Variants in CCSER1 observed in about 807,000 individuals in gnomAD.
The protein encoded by CCSER1 is serine-rich coiled-coil domain-containing protein 1.
CCSER1 carries 41 observed loss-of-function variants against 82.0 expected under a neutral mutation model. The observed-to-expected ratio is 0.50, with a 90% confidence interval of 0.39 to 0.65. The LOEUF is 0.65. CCSER1 is among the 30% of genes least tolerant of loss of function. The probability of loss-of-function intolerance (pLI) is 0.00; values close to 1 mark genes in which losing one functional copy is unlikely to be tolerated. For missense variants in CCSER1, 1,119 were observed against 1,064.2 expected, an observed-to-expected ratio of 1.05 and a Z score of -0.72; for synonymous variants, 414 against 383.9, an observed-to-expected ratio of 1.08 and a Z score of -0.92.
intron 4 of CCSER1, among the ~76,000 whole-genome samples, chr4:90,435,778 A>G (rs939590298): frequency 1.3e-5 from 2 of 152,118 alleles, no homozygotes; most frequent in Admixed American, 6.5e-5. Context: ...TAAAATTTCA[A>G]TGAGTATTAA....
intron 5 of CCSER1, among the ~76,000 whole-genome samples, chr4:90,469,053 A>T (rs1764005266): frequency 6.6e-6 from 1 of 152,128 alleles, no homozygotes; most frequent in Non-Finnish European, 1.5e-5. Context: ...AAATAGTATC[A>T]TGCCTCCTTT....
intron 7 of CCSER1, among the ~76,000 whole-genome samples, chr4:90,805,105 A>T (rs1159601506): frequency 1.3e-5 from 2 of 152,196 alleles, no homozygotes; most frequent in African/African-American, 4.8e-5. Flanking sequence ...CTCTATGTTT[A>T]GATGATCTTG....
rs1182376390 is a variant in CCSER1, at chr4:91,533,327, A to G, written c.2218-65245A>G. ...AGTTACTAGACTCTCAAACTCTACAATATAAAACAAGCCATAAGTTTTCCT... is the reference window on the plus strand; with the variant it reads ...AGTTACTAGACTCTCAAACTCTACAGTATAAAACAAGCCATAAGTTTTCCT... On this transcript the variant is annotated intron_variant, in intron 10 of 10. Transcript: ENST00000509176. 2.6e-5 allele frequency among the ~76,000 whole-genome samples: 4 copies of G among 152,206 alleles called. No homozygotes were observed. The East Asian group carries it at 5.8e-4, about 22-fold the overall frequency.
intron 1 of CCSER1, among the ~76,000 whole-genome samples, chr4:90,295,866 T>C (rs1731789932): frequency 6.6e-6 from 1 of 152,154 alleles, no homozygotes; most frequent in African/African-American, 2.4e-5. Context: ...TTTCTTTCTT[T>C]AATCAGCTTC....
At chr4:90,753,789 A>G (rs1749084632) in intron 7 of CCSER1, among the ~76,000 whole-genome samples, 1 of 152,084 alleles carries the variant, frequency 6.6e-6, no homozygotes. Context: ...AAGGCCTTAC[A>G]TGTTCTACCC....
At chr4:90,155,648 T>G (rs1212297681) in intron 1 of CCSER1, among the ~76,000 whole-genome samples, 1 of 152,238 alleles carries the variant, frequency 6.6e-6, no homozygotes, top group South Asian at 2.1e-4. Context: ...TTCTTCTAGA[T>G]TTTCTAGTTT....
In CCSER1 at chr4:90,227,531, A is replaced by G. The variant is rs189149513; in HGVS notation, c.-41-80713A>G. ...TAAAAGACATCTATTTAAATTAAGC[A>G]CCTTGCAACATGTATTCAGCTATGA... On this transcript the variant is annotated intron_variant, in intron 1 of 10. Transcript: ENST00000509176. Among the ~76,000 whole-genome samples the G allele has an allele frequency of 1.5e-3, 236 of 152,336 alleles. 1 individual carries two copies. Among genetic ancestry groups the G allele is most frequent in the African/African-American group, 5.4e-3 (225 of 41,578 alleles).
chr4:90,240,955 G>A (rs766608298), intron 1 of CCSER1, among the ~76,000 whole-genome samples: 1 of 152,268 alleles, frequency 6.6e-6, no homozygotes. Flanking sequence ...TTGAGTGTTT[G>A]AGCAGCTTTA....
intron 1 of CCSER1, among the ~76,000 whole-genome samples, chr4:90,270,456 A>G (rs1726058117): frequency 6.6e-6 from 1 of 151,936 alleles, no homozygotes; most frequent in Non-Finnish European, 1.5e-5. Flanking sequence ...ATAAAATAAT[A>G]AAACTGTAAA....
At chr4:90,771,329 C>T (rs756244545) in intron 7 of CCSER1, among the ~76,000 whole-genome samples, 8 of 151,114 alleles carry the variant, frequency 5.3e-5, no homozygotes, top group Non-Finnish European at 1.2e-4. Flanking sequence ...TGGATTTATT[C>T]GATAATTATC....
chr4:90,295,879 A>G (rs1436305711), intron 1 of CCSER1, among the ~76,000 whole-genome samples: 1 of 151,916 alleles, frequency 6.6e-6, no homozygotes, highest in Non-Finnish European at 1.5e-5. Flanking sequence ...TCAGCTTCTC[A>G]TGTTTGAACA....
chr4:91,535,280 T>C (rs906095734), intron 10 of CCSER1, among the ~76,000 whole-genome samples: 4 of 152,028 alleles, frequency 2.6e-5, no homozygotes, highest in Non-Finnish European at 5.9e-5. Flanking sequence ...TAATAAAGTA[T>C]GATATTTGGT....
chr4:90,804,522 G>T (rs987750484), intron 7 of CCSER1, among the ~76,000 whole-genome samples: 24 of 152,124 alleles, frequency 1.6e-4, no homozygotes, highest in African/African-American at 5.8e-4. Flanking sequence ...TCAGATGGTT[G>T]TAGATGTGTG....
intron 1 of CCSER1, among the ~76,000 whole-genome samples, chr4:90,286,842 C>G (rs1362752738): frequency 2.0e-5 from 3 of 152,106 alleles, no homozygotes; most frequent in Non-Finnish European, 1.5e-5. Context: ...TTGGAAACTT[C>G]ACCCTGTGGC....
At chr4:91,512,665 A>G (rs1472881687) in intron 10 of CCSER1, among the ~76,000 whole-genome samples, 1 of 152,176 alleles carries the variant, frequency 6.6e-6, no homozygotes, top group Non-Finnish European at 1.5e-5. Flanking sequence ...ACACTGACTA[A>G]TACAAGATCT....
chr4:91,185,127 T>C (rs554818707), intron 10 of CCSER1, among the ~76,000 whole-genome samples: 6 of 152,350 alleles, frequency 3.9e-5, no homozygotes, highest in Admixed American at 3.9e-4. Context: ...TTTCTTTCCC[T>C]GAATAGTTAT....
intron 9 of CCSER1, among the ~76,000 whole-genome samples, chr4:90,970,440 A>C (rs1734994614): frequency 6.6e-6 from 1 of 152,020 alleles, no homozygotes; most frequent in Non-Finnish European, 1.5e-5. Context: ...AACATACAGC[A>C]CCCAAATATA....
chr4:91,585,296 T>C (rs981159205), intron 10 of CCSER1, among the ~76,000 whole-genome samples: 1 of 151,478 alleles, frequency 6.6e-6, no homozygotes, highest in African/African-American at 2.4e-5. Context: ...AAGGATTTAG[T>C]TGAGATAGCC....
intron 1 of CCSER1, among the ~76,000 whole-genome samples, chr4:90,221,598 C>T (rs1303381403): frequency 2.6e-5 from 4 of 152,254 alleles, no homozygotes; most frequent in African/African-American, 9.6e-5. Flanking sequence ...AAACATAAAA[C>T]TTTCATCACT....
Sources: gnomAD v4.1 joint callset for allele counts (sites outside exome capture counted in the v4.1 genomes callset) on GRCh38, gnomAD v4.1.1 for gene constraint, MANE v1.5 for transcripts, NCBI Gene and HGNC (gene_info 2026-07-23, HGNC 2026-07-21) for gene names.